R3HDM1: variants seen among roughly 807,000 people sequenced by gnomAD.
R3HDM1 encodes the protein R3H domain containing 1.
Under a neutral mutation model 141.1 loss-of-function variants are expected in R3HDM1, and 46 were observed. That is an observed-to-expected ratio of 0.33 (90% CI 0.26 to 0.42). The LOEUF (loss-of-function observed/expected upper bound fraction) is 0.42. Among genes scored for constraint, R3HDM1 ranks in the 10% least tolerant of loss-of-function variants. The pLI is 1.00. For missense variants in R3HDM1, 1,184 were observed against 1,368.3 expected, an observed-to-expected ratio of 0.87 and a Z score of 2.12; for synonymous variants, 435 against 472.9, an observed-to-expected ratio of 0.92 and a Z score of 1.04.
At chr2:135,536,703 G>C in intron 1 of R3HDM1, 2 of 980,978 alleles carry the variant, frequency 2.0e-6, no homozygotes, top group South Asian at 9.4e-5. Context: ...TTGTGGGTTA[G>C]TTGTACAATT....
chr2:135,563,393 G>A (rs1702142530), intron 1 of R3HDM1, among the ~76,000 whole-genome samples: 2 of 152,162 alleles, frequency 1.3e-5, no homozygotes, highest in African/African-American at 4.8e-5. Flanking sequence ...TGCTCTTGCT[G>A]CCACGACTCC....
At position 135,636,170 on chromosome 2, in the gene R3HDM1, T is replaced by C. The variant is rs2063226336; in HGVS notation, c.890T>C (p.Ile297Thr). 6.2e-7 allele frequency: 1 copy of C among 1,612,688 alleles called. No homozygotes were observed. Among genetic ancestry groups the C allele is most frequent in the Admixed American group, 1.7e-5 (1 of 59,838 alleles). Residue 297 changes from isoleucine (I) to threonine (T), a missense_variant, in exon 11 of 27, where the codon ATA becomes ACA. By Grantham distance (89) the Ile-to-Thr change is moderately conservative. This residue lies in a region of R3HDM1 where 240 missense variants were observed against 312.3 expected (regional missense o/e 0.77). Coordinates refer to ENST00000683871, the MANE Select transcript of R3HDM1 (RefSeq NM_001378107.1). ...EEEYQRARDR[I>T]FSQDSLCSQE... ...GAGTACCAGAGAGCCAGAGACCGAA[T>C]ATTTTCCCAAGATGTACGTACTAAC...
rs1271103981 is a variant in R3HDM1 at position 135,644,463 on chromosome 2, C to G, written c.1475-916C>G. 2.0e-5 allele frequency among the ~76,000 whole-genome samples: 3 copies of G among 152,074 alleles called. No individual in the cohort carries two copies. The East Asian group carries it at 5.8e-4, about 29-fold the overall frequency. ...GAGGTTGCAGTCAGCTGAGATCGCACCACTGCACTCCAGCCTGGGCCGGGC... is the reference window on the plus strand; with the variant it reads ...GAGGTTGCAGTCAGCTGAGATCGCAGCACTGCACTCCAGCCTGGGCCGGGC... On this transcript the variant is annotated intron_variant, in intron 15 of 26. Transcript: ENST00000683871.
At chr2:135,555,679 T>G (rs1408296304) in intron 1 of R3HDM1, among the ~76,000 whole-genome samples, 1 of 152,216 alleles carries the variant, frequency 6.6e-6, no homozygotes, top group Non-Finnish European at 1.5e-5. Context: ...CGTCAACTGA[T>G]GAATGGATAA....
rs773522678 is a variant in R3HDM1, at chr2:135,699,053, TAAGA to T, written c.2460-10379_2460-10376del. Among the ~76,000 whole-genome samples the T allele has an allele frequency of 2.9e-3, 398 of 137,840 alleles. 7 individuals carry two copies. The highest frequency in any genetic ancestry group is 6.7e-3 in the African/African-American group (249 of 37,076). The allele number at this position is 137,840 out of a possible 152,430, so 90.4% of individuals were successfully genotyped here. On this transcript the variant is annotated intron_variant, in intron 21 of 26. Transcript: ENST00000683871. The stretch of plus-strand genomic sequence containing the variant: ...TAGATAGATAGATAGATAAGATAGA[TAAGA>T]TAGATTGATTAGATAGATTAGATAG...
intron 19 of R3HDM1, among the ~76,000 whole-genome samples, chr2:135,672,373 CA>C (rs1317349597): frequency 2.0e-5 from 3 of 152,204 alleles, no homozygotes; most frequent in African/African-American, 7.2e-5. Context: ...TTCATTCATT[CA>C]TGACTATTCC....
chr2:135,570,005 C>T (rs1014092679), intron 1 of R3HDM1, among the ~76,000 whole-genome samples: 9 of 152,120 alleles, frequency 5.9e-5, no homozygotes, highest in Non-Finnish European at 8.8e-5. Context: ...GGATTACAGG[C>T]GTGAGCCACC....
intron 3 of R3HDM1, chr2:135,607,380 A>G: frequency 1.0e-6 from 1 of 960,674 alleles, no homozygotes; most frequent in Non-Finnish European, 1.2e-6. Context: ...TTAGACAATG[A>G]TAGCAATTCC....
chr2:135,547,893 C>T (rs1266773549), intron 1 of R3HDM1, among the ~76,000 whole-genome samples: 2 of 151,650 alleles, frequency 1.3e-5, no homozygotes, highest in East Asian at 1.9e-4. Flanking sequence ...CCTGCCTCAG[C>T]CTCCCGAGTA....
At chr2:135,606,523 G>A (rs1452225286) in intron 3 of R3HDM1, 1 of 151,988 alleles carries the variant, frequency 6.6e-6, no homozygotes, top group East Asian at 1.9e-4. Context: ...CAGCACTTTG[G>A]GAGACCGAGG....
intron 21 of R3HDM1, among the ~76,000 whole-genome samples, chr2:135,684,547 A>G (rs1010572938): frequency 4.6e-5 from 7 of 152,150 alleles, no homozygotes; most frequent in Non-Finnish European, 1.0e-4. Context: ...AATGCTGTTA[A>G]TATAAGTGAA....
intron 1 of R3HDM1, among the ~76,000 whole-genome samples, chr2:135,593,934 G>C (rs1004918852): frequency 5.3e-5 from 8 of 152,084 alleles, no homozygotes; most frequent in African/African-American, 1.9e-4. Context: ...TGGCCAGGCT[G>C]GTCTCAATCT....
intron 1 of R3HDM1, among the ~76,000 whole-genome samples, chr2:135,598,233 A>G (rs2059352360): frequency 6.6e-6 from 1 of 152,178 alleles, no homozygotes; most frequent in Admixed American, 6.5e-5. Context: ...GTTGGTACTC[A>G]TCATCACAGG....
intron 1 of R3HDM1, among the ~76,000 whole-genome samples, chr2:135,551,054 T>C (rs193231169): frequency 1.3e-5 from 2 of 152,350 alleles, no homozygotes; most frequent in Admixed American, 6.5e-5. Flanking sequence ...AAGGGACCTA[T>C]ACCATGTAAT....
chr2:135,553,924 A>G (rs1196549671), intron 1 of R3HDM1, among the ~76,000 whole-genome samples: 1 of 151,394 alleles, frequency 6.6e-6, no homozygotes, highest in Non-Finnish European at 1.5e-5. Context: ...TTCTGACCTC[A>G]GCTGATCCGC....
chr2:135,597,282 CTT>C, intron 1 of R3HDM1: 1 of 977,112 alleles, frequency 1.0e-6, no homozygotes, highest in Non-Finnish European at 1.2e-6. Context: ...TCTCTTTACT[CTT>C]TTTAAATGTA....
chr2:135,671,670 A>G (rs191391624), intron 19 of R3HDM1, among the ~76,000 whole-genome samples: 23 of 151,806 alleles, frequency 1.5e-4, no homozygotes, highest in African/African-American at 5.3e-4. Flanking sequence ...CGCTGGCCCA[A>G]TGTTACCTAA....
At chr2:135,685,115 A>G (rs2071106779) in intron 21 of R3HDM1, among the ~76,000 whole-genome samples, 1 of 152,198 alleles carries the variant, frequency 6.6e-6, no homozygotes, top group Non-Finnish European at 1.5e-5. Context: ...AAATACTAGT[A>G]TAAAACATCC....
rs143623186 is a variant in R3HDM1 at position 135,632,700 on chromosome 2, C to G, written c.698+699C>G. ...ATTTTTAAGGCTAATCCTAAAACAA[C>G]TAGCTGAGTTCAGCTGAAATTTATA... On this transcript the variant is annotated intron_variant, in intron 9 of 26. Transcript: ENST00000683871. 8.5e-5 allele frequency among the ~76,000 whole-genome samples: 13 copies of G among 152,322 alleles called. No homozygotes were observed. In the East Asian group the frequency reaches 1.9e-3, roughly 23 times the overall value.
Sources: allele counts gnomAD v4.1 joint callset (sites outside exome capture counted in the v4.1 genomes callset), GRCh38; gene constraint gnomAD v4.1.1; regional missense constraint gnomAD v4.1.1; transcripts MANE v1.5; gene names NCBI Gene and HGNC (gene_info 2026-07-23, HGNC 2026-07-21).